Variants in SULT1C2 observed in about 807,000 individuals in gnomAD.
SULT1C2 encodes the protein sulfotransferase family 1C member 2, also known as sulfotransferase 1C2.
Under a neutral mutation model 36.0 loss-of-function variants are expected in SULT1C2, and 27 were observed. The ratio of observed to expected loss-of-function variants is 0.75; its 90% CI spans 0.55 to 1.03. The LOEUF (loss-of-function observed/expected upper bound fraction) is 1.03, where lower values mean the gene tolerates loss of function less well. Among genes scored for constraint, SULT1C2 ranks in the 50% least tolerant of loss-of-function variants. The probability of loss-of-function intolerance (pLI) is 0.00; values close to 1 mark genes in which losing one functional copy is unlikely to be tolerated. For missense variants in SULT1C2, 395 were observed against 359.2 expected (o/e 1.10, Z -0.80); for synonymous variants, 121 against 116.0 (o/e 1.04, Z -0.27).
intron 3 of SULT1C2, among the ~76,000 whole-genome samples, chr2:108,297,403 C>G (rs895437516): frequency 2.6e-5 from 4 of 152,322 alleles, no homozygotes; most frequent in East Asian, 3.9e-4. Context: ...ACTTTGTACT[C>G]CCATGGGGCT....
chr2:108,295,872 C>A (rs1478187371), intron 3 of SULT1C2, among the ~76,000 whole-genome samples: 1 of 152,210 alleles, frequency 6.6e-6, no homozygotes, highest in African/African-American at 2.4e-5. Flanking sequence ...TAGGTCACTG[C>A]AACCTGGAAC....
At chr2:108,301,343 G>C (rs4149426) in intron 4 of SULT1C2, 7,088 of 158,350 alleles carry the variant, frequency 0.045, 170 homozygotes, top group East Asian at 0.089. Flanking sequence ...TGTAATCCCA[G>C]CACTTTGGGA....
Position 108,309,749 on chromosome 2 carries a change from A to G in SULT1C2, c.*1285A>G, listed in dbSNP as rs1410141870. The G allele has an allele frequency of 6.7e-6, 1 of 150,010 alleles. No individual in the cohort carries two copies. The highest frequency in any genetic ancestry group is 1.5e-5 in the Non-Finnish European group (1 of 67,720). 9.3% of individuals were successfully genotyped at this position (150,010 alleles called of 1,614,324 possible). On this transcript the variant is annotated 3_prime_UTR_variant, in exon 8 of 8. Transcript: ENST00000251481. ...GTGTTAAAATGCTTCTCCCTGAAAAAGAGAAAAAAAAAAGGAAAAAAAGAA... is the reference window on the plus strand; with the variant it reads ...GTGTTAAAATGCTTCTCCCTGAAAAGGAGAAAAAAAAAAGGAAAAAAAGAA...
chr2:108,305,732 G>A, intron 7 of SULT1C2, 137 bp downstream of exon 7: 1 of 1,145,380 alleles, frequency 8.7e-7, no homozygotes, highest in South Asian at 1.4e-5. Context: ...AATAAAACCA[G>A]GGATTTGATC....
Position 108,300,865 on chromosome 2 carries a change from C to T in SULT1C2, c.305C>T (p.Ser102Phe), listed in dbSNP as rs1209350641. The T allele has an allele frequency of 6.2e-6, 10 of 1,614,056 alleles. No individual in the cohort carries two copies. The African/African-American group carries it at 1.2e-4, about 19-fold the overall frequency. ...SGVEKAKAMP[S>F]PRILKTHLST... ...GTGGAAAAAGCCAAAGCAATGCCCT[C>T]TCCACGGATACTAAAGACTCACCTT... is the stretch of plus-strand genomic sequence containing the variant. The change falls in exon 4 of 8, where the codon TCT (serine) becomes TTT (phenylalanine). Residue 102 changes from serine to phenylalanine, a missense_variant. By Grantham distance (155) the Ser-to-Phe change is radical. Transcript: ENST00000251481.
In SULT1C2 at chr2:108,290,220, A is replaced by G. The variant is rs117354505; in HGVS notation, c.-22+1150A>G. ...TCCCCTCACCCCCACCCTATGGAGG[A>G]CCTTCTCACTGTGTCCTTACATGGT... On this transcript the variant is annotated intron_variant, in intron 1 of 7. Coordinates refer to ENST00000251481, the MANE Select transcript of SULT1C2 (RefSeq NM_001056.4). Among the ~76,000 whole-genome samples the G allele has an allele frequency of 7.5e-3, 1,141 of 152,176 alleles. 28 individuals carry two copies. In the East Asian group the frequency reaches 0.091, roughly 12 times the overall value.
intron 4 of SULT1C2, chr2:108,302,310 C>T (rs1676903191): frequency 6.6e-6 from 1 of 152,236 alleles, no homozygotes; most frequent in South Asian, 2.1e-4. Flanking sequence ...GCTACATCCT[C>T]AATGGATGGG....
chr2:108,304,152 G>A (rs78022722), intron 4 of SULT1C2: 2,224 of 153,372 alleles, frequency 0.015, 48 homozygotes, highest in African/African-American at 0.05. Flanking sequence ...GAGAAAAATA[G>A]GAGCTATTTT....
chr2:108,298,068 A>C (rs1026303349), intron 3 of SULT1C2, among the ~76,000 whole-genome samples: 1 of 152,220 alleles, frequency 6.6e-6, no homozygotes, highest in African/African-American at 2.4e-5. Context: ...AAGGAAATCA[A>C]CCAGCCTGCA....
intron 3 of SULT1C2, among the ~76,000 whole-genome samples, chr2:108,297,902 G>T (rs945098256): frequency 2.6e-5 from 4 of 152,288 alleles, no homozygotes; most frequent in African/African-American, 9.6e-5. Flanking sequence ...TATTTGTCAT[G>T]GGCAGGAAGG....
At chr2:108,293,895 C>T in intron 2 of SULT1C2, 77 bp downstream of exon 2, 1 of 1,540,708 alleles carries the variant, frequency 6.5e-7, no homozygotes, top group Non-Finnish European at 8.7e-7. Flanking sequence ...AATTCCCCTT[C>T]TTAGGAAACC....
intron 3 of SULT1C2, among the ~76,000 whole-genome samples, chr2:108,294,577 C>T (rs1429284137): frequency 7.2e-6 from 1 of 139,858 alleles, no homozygotes; most frequent in Non-Finnish European, 1.6e-5. Flanking sequence ...AAGTGAATCA[C>T]CAAATGAAAA....
Position 108,304,616 on chromosome 2 carries a change from T to C in SULT1C2, c.418T>C (p.Tyr140His). 6.2e-7 allele frequency: 1 copy of C among 1,613,778 alleles called. No individual in the cohort carries two copies. Among genetic ancestry groups the C allele is most frequent in the Non-Finnish European group, 8.5e-7 (1 of 1,179,884 alleles). ...AAATGCCAAAGACTGTATGGTTTCC[T>C]ACTACCATTTCCAAAGGATGAACCA... ...ARNAKDCMVS[Y>H]YHFQRMNHML... Residue 140 changes from tyrosine to histidine, a missense_variant, in exon 5 of 8, where the codon TAC becomes CAC. Physicochemically the swap from Tyr to His is moderately conservative, Grantham distance 83 (BLOSUM62 2). Coordinates refer to ENST00000251481, the MANE Select transcript of SULT1C2 (RefSeq NM_001056.4).
At chr2:108,293,532 G>A (rs1676647837) in intron 1 of SULT1C2, 115 bp from the exon 2 acceptor site, 5 of 948,096 alleles carry the variant, frequency 5.3e-6, no homozygotes, top group African/African-American at 3.3e-5. Context: ...ACAACAATGT[G>A]AATGTACTTA....
intron 5 of SULT1C2, 149 bp from the exon 6 acceptor site, chr2:108,305,023 C>A: frequency 1.1e-6 from 1 of 919,896 alleles, no homozygotes; most frequent in Admixed American, 2.6e-5. Flanking sequence ...CTACACCACC[C>A]TCAAAATCAA....
intron 1 of SULT1C2, among the ~76,000 whole-genome samples, chr2:108,289,920 A>G (rs1328248561): frequency 1.3e-5 from 2 of 152,344 alleles, no homozygotes; most frequent in South Asian, 2.1e-4. Context: ...AGTGGGATCC[A>G]TAGTTCACTG....
At chr2:108,300,600 C>T (rs1290513046) in intron 3 of SULT1C2, 3 of 591,884 alleles carry the variant, frequency 5.1e-6, no homozygotes, top group Non-Finnish European at 5.3e-6. Context: ...CACCTTCTGT[C>T]ACCTCATCCT....
intron 2 of SULT1C2, 150 bp downstream of exon 2, chr2:108,293,968 T>G: frequency 1.5e-6 from 2 of 1,327,890 alleles, no homozygotes; most frequent in East Asian, 5.0e-5. Flanking sequence ...ATGCCTGATA[T>G]CCGAGTTTTC....
At chr2:108,296,556 A>G (rs12104590) in intron 3 of SULT1C2, among the ~76,000 whole-genome samples, 45,409 of 151,940 alleles carry the variant, frequency 0.3, 9,110 homozygotes, top group East Asian at 0.8. Context: ...GGTTCAAGCA[A>G]TTCTCCTGCC....
Sources: gnomAD v4.1 joint callset for allele counts (sites outside exome capture counted in the v4.1 genomes callset) on GRCh38, gnomAD v4.1.1 for gene constraint, MANE v1.5 for transcripts, NCBI Gene and HGNC (gene_info 2026-07-23, HGNC 2026-07-21) for gene names.